EPHA6: variants seen among roughly 807,000 people sequenced by gnomAD.
EPHA6 encodes the protein ephrin type-A receptor 6.
EPHA6 carries 50 observed loss-of-function variants against 112.0 expected under a neutral mutation model. The observed-to-expected ratio is 0.45, with a 90% CI of 0.36 to 0.56. EPHA6 has a LOEUF of 0.56. Among genes scored for constraint, EPHA6 ranks in the 20% least tolerant of loss-of-function variants. EPHA6 has a pLI of 0.00. For missense variants in EPHA6, 1,280 were observed against 1,417.4 expected (o/e 0.90, Z 1.56); for synonymous variants, 529 against 490.7 (o/e 1.08, Z -1.03).
At chr3:96,898,960 G>T (rs563784549) in intron 2 of EPHA6, among the ~76,000 whole-genome samples, 1 of 151,502 alleles carries the variant, frequency 6.6e-6, no homozygotes, top group South Asian at 2.1e-4. Context: ...CCCGGGAGGC[G>T]GAGCTTGCAG....
chr3:97,449,928 A>G (rs546427858), intron 7 of EPHA6, among the ~76,000 whole-genome samples: 1 of 152,282 alleles, frequency 6.6e-6, no homozygotes, highest in Non-Finnish European at 1.5e-5. Context: ...ATTGATGAAC[A>G]GTATTCACAT....
intron 15 of EPHA6, among the ~76,000 whole-genome samples, chr3:97,728,913 A>AT (rs1248263653): frequency 3.3e-5 from 5 of 152,044 alleles, no homozygotes; most frequent in Non-Finnish European, 7.4e-5. Context: ...GTTGTTCCTC[A>AT]TTTTGTCCAC....
intron 4 of EPHA6, among the ~76,000 whole-genome samples, chr3:97,236,898 C>A (rs1323316224): frequency 1.3e-5 from 2 of 152,010 alleles, no homozygotes; most frequent in African/African-American, 4.8e-5. Context: ...CTAGCCACAT[C>A]GCCGCTCCTA....
intron 10 of EPHA6, among the ~76,000 whole-genome samples, chr3:97,487,714 G>T (rs2091731232): frequency 6.6e-6 from 1 of 151,946 alleles, no homozygotes; most frequent in South Asian, 2.1e-4. Flanking sequence ...TTTAATACTG[G>T]CAGCTTATCT....
rs187921179 is a variant in EPHA6 at position 97,646,549 on chromosome 3, A to G, written c.2784+8467A>G. ...ATAGAGCGACCATATTTCAGGCACT[A>G]TTCTTTGGAGGGCCAATTGTGAAAC... On this transcript the variant is annotated intron_variant, in intron 14 of 17. Coordinates refer to ENST00000389672, the MANE Select transcript of EPHA6 (RefSeq NM_001080448.3). Among the ~76,000 whole-genome samples, 13 of 152,282 alleles carry G rather than the reference A, an allele frequency of 8.5e-5. No individual in the cohort carries two copies. In the East Asian group the frequency reaches 2.3e-3, roughly 27 times the overall value.
Position 97,223,736 on chromosome 3 carries a change from T to C in EPHA6, c.1115-2528T>C, listed in dbSNP as rs80078174. ...CCATAAATTGGAGAAGGGCAAAGCC[T>C]TAACGGAGAAGGTGCAAGAAGGGAG... On this transcript the variant is annotated intron_variant, in intron 3 of 17. Transcript: ENST00000389672. 5.5e-4 allele frequency among the ~76,000 whole-genome samples: 84 copies of C among 152,310 alleles called. 1 individual carries two copies. The East Asian group carries it at 0.016, about 29-fold the overall frequency.
At chr3:96,978,630 G>A (rs903477158) in intron 2 of EPHA6, among the ~76,000 whole-genome samples, 1 of 151,884 alleles carries the variant, frequency 6.6e-6, no homozygotes, top group East Asian at 1.9e-4. Flanking sequence ...TGGTACCTAA[G>A]TCTAATTCTA....
At chr3:96,849,560 A>G (rs2035269077) in intron 1 of EPHA6, among the ~76,000 whole-genome samples, 1 of 152,090 alleles carries the variant, frequency 6.6e-6, no homozygotes. Context: ...CAAAATGTCA[A>G]ATCTTAGAAA....
At chr3:97,235,784 C>T (rs1277452274) in intron 4 of EPHA6, among the ~76,000 whole-genome samples, 1 of 152,094 alleles carries the variant, frequency 6.6e-6, no homozygotes, top group Non-Finnish European at 1.5e-5. Flanking sequence ...CCCTAACCAA[C>T]TTTAACTTTA....
At chr3:97,227,882 G>T (rs1354256887) in intron 4 of EPHA6, among the ~76,000 whole-genome samples, 2 of 152,146 alleles carry the variant, frequency 1.3e-5, no homozygotes, top group Admixed American at 6.5e-5. Context: ...CTCCGTGGTT[G>T]GTGGTCTCTT....
chr3:97,695,061 A>T (rs192366036), intron 14 of EPHA6, among the ~76,000 whole-genome samples: 1 of 152,214 alleles, frequency 6.6e-6, no homozygotes, highest in Non-Finnish European at 1.5e-5. Flanking sequence ...ACAATAAAAC[A>T]TCCCCAGAGC....
intron 8 of EPHA6, among the ~76,000 whole-genome samples, chr3:97,477,767 A>G (rs190103235): frequency 2.3e-4 from 35 of 152,204 alleles, no homozygotes; most frequent in African/African-American, 7.7e-4. Context: ...GGTCACTGAT[A>G]TCTTTATAAT....
At chr3:96,973,952 TAATA>T (rs1203527879) in intron 2 of EPHA6, among the ~76,000 whole-genome samples, 2 of 145,684 alleles carry the variant, frequency 1.4e-5, no homozygotes, top group Admixed American at 6.9e-5. Flanking sequence ...AGTGTATACA[TAATA>T]AATATACATA....
At chr3:97,558,860 A>C (rs535407934) in intron 11 of EPHA6, among the ~76,000 whole-genome samples, 2 of 152,036 alleles carry the variant, frequency 1.3e-5, no homozygotes, top group Non-Finnish European at 2.9e-5. Context: ...GAACATTTCT[A>C]CACATACTAA....
chr3:97,230,236 A>T (rs1248315827), intron 4 of EPHA6, among the ~76,000 whole-genome samples: 1 of 152,132 alleles, frequency 6.6e-6, no homozygotes, highest in African/African-American at 2.4e-5. Flanking sequence ...CATCAATGTA[A>T]CCCTTTAGTA....
chr3:97,158,911 G>A (rs1401118925), intron 3 of EPHA6, among the ~76,000 whole-genome samples: 1 of 152,090 alleles, frequency 6.6e-6, no homozygotes, highest in African/African-American at 2.4e-5. Context: ...ATATGGGGGA[G>A]GCGTGTAGCT....
At chr3:97,210,392 C>T (rs1047336376) in intron 3 of EPHA6, among the ~76,000 whole-genome samples, 2 of 151,900 alleles carry the variant, frequency 1.3e-5, no homozygotes, top group African/African-American at 4.8e-5. Context: ...ACTCACTCAC[C>T]ATCACAAGAA....
At chr3:97,503,600 T>C (rs973031220) in intron 10 of EPHA6, among the ~76,000 whole-genome samples, 1 of 152,136 alleles carries the variant, frequency 6.6e-6, no homozygotes, top group Admixed American at 6.6e-5. Flanking sequence ...AATGATGAGA[T>C]TTCAGTGTGT....
In EPHA6 at chr3:97,679,046, T is replaced by A. The variant is rs1388457888; in HGVS notation, c.2784+40964T>A. On this transcript the variant is annotated intron_variant, in intron 14 of 17. Transcript: ENST00000389672. ...AGTTTTCCAAATTCTTGTTTTTATGTTCCTGGTTTTGTTATATTAGTCAAA... is the reference window on the plus strand; with the variant it reads ...AGTTTTCCAAATTCTTGTTTTTATGATCCTGGTTTTGTTATATTAGTCAAA... Among the ~76,000 whole-genome samples the A allele has an allele frequency of 3.9e-5, 6 of 152,302 alleles. No homozygotes were observed. The East Asian group carries it at 1.2e-3, about 29-fold the overall frequency.
Sources: gnomAD v4.1 joint callset for allele counts (sites outside exome capture counted in the v4.1 genomes callset) on GRCh38, gnomAD v4.1.1 for gene constraint, MANE v1.5 for transcripts, NCBI Gene and HGNC (gene_info 2026-07-23, HGNC 2026-07-21) for gene names.